The following ANKRD35 variants were observed in gnomAD, a reference collection of about 807,000 sequenced individuals.
ANKRD35 encodes ankyrin repeat domain 35.
A neutral mutation model predicts 109.9 loss-of-function variants in ANKRD35; 102 were observed. That is an observed-to-expected ratio of 0.93 (90% confidence interval 0.79 to 1.09). The LOEUF (loss-of-function observed/expected upper bound fraction) is 1.09, where lower values mean the gene tolerates loss of function less well. Among genes scored for constraint, ANKRD35 ranks in the 50% least tolerant of loss-of-function variants. The pLI is 0.00. For missense variants in ANKRD35, 1,240 were observed against 1,230.1 expected, an observed-to-expected ratio of 1.01 and a Z score of -0.12; for synonymous variants, 515 against 512.4, an observed-to-expected ratio of 1.01 and a Z score of -0.07.
chr1:145,873,262 A>G lies in ANKRD35; in HGVS notation c.1507T>C (p.Trp503Arg). The change falls in exon 10 of 14, where the codon TGG (tryptophan) becomes CGG (arginine). Residue 503 changes from tryptophan to arginine, a missense_variant. By Grantham distance (101) the Trp-to-Arg change is moderately radical. Coordinates refer to ENST00000355594, the MANE Select transcript of ANKRD35 (RefSeq NM_144698.5). ...CCCCGGGCAGCATCCTTTTCTCGCCACACTGCAGCAAGCTCCTCCCTTAGT... is the reference window on the plus strand; with the variant it reads ...CCCCGGGCAGCATCCTTTTCTCGCCGCACTGCAGCAAGCTCCTCCCTTAGT... Reference protein sequence around the residue: ...LQLREELAAVWREKDAARGAL... With the variant: ...LQLREELAAVRREKDAARGAL... 1 of 1,614,100 alleles carries G rather than the reference A, an allele frequency of 6.2e-7. No homozygotes were observed. Among genetic ancestry groups the G allele is most frequent in the South Asian group, 1.1e-5 (1 of 91,086 alleles).
intron 6 of ANKRD35, 114 bp from the exon 7 acceptor site, chr1:145,876,360 G>C (rs782036315): frequency 8.5e-7 from 1 of 1,173,262 alleles, no homozygotes; most frequent in Non-Finnish European, 1.2e-6. Context: ...CCCAGATCTT[G>C]GGTCTGAACA....
At chr1:145,876,336 A>G (rs1654074088) in intron 6 of ANKRD35, 90 bp from the exon 7 acceptor site, 2 of 1,261,974 alleles carry the variant, frequency 1.6e-6, no homozygotes, top group Admixed American at 2.1e-5. Context: ...ACACCTGTCC[A>G]AAAAAAATAA....
At chr1:145,880,127 A>G (rs587774162) in intron 1 of ANKRD35, among the ~76,000 whole-genome samples, 83 of 152,320 alleles carry the variant, frequency 5.4e-4, no homozygotes, top group African/African-American at 1.8e-3. Context: ...TTTCCCTGGC[A>G]GGGAGCAGCT....
At chr1:145,879,105 T>C (rs1376881519) in intron 2 of ANKRD35, among the ~76,000 whole-genome samples, 153 bp downstream of exon 2, 1 of 152,056 alleles carries the variant, frequency 6.6e-6, no homozygotes, top group African/African-American at 2.4e-5. Flanking sequence ...GTGTAGAACT[T>C]ATATGTAGCA....
At chr1:145,879,221 CCACATGTA>C in intron 2 of ANKRD35, 29 bp downstream of exon 2, 1 of 1,526,466 alleles carries the variant, frequency 6.6e-7, no homozygotes, top group Admixed American at 2.0e-5. Context: ...CAAAAGGGAG[CCACATGTA>C]AGGGGCAGGG....
At position 145,872,233 on chromosome 1, in the gene ANKRD35, C is replaced by A; in HGVS notation, c.2536G>T (p.Ala846Ser). The A allele has an allele frequency of 6.2e-7, 1 of 1,610,984 alleles. No individual in the cohort carries two copies. The highest frequency in any genetic ancestry group is 8.5e-7 in the Non-Finnish European group (1 of 1,178,694). Residue 846 changes from alanine to serine, a missense_variant, in exon 10 of 14, where the codon GCT (alanine) becomes TCT (serine). By Grantham distance (99) the Ala-to-Ser change is moderately conservative (BLOSUM62 1). Coordinates refer to ENST00000355594, the MANE Select transcript of ANKRD35 (RefSeq NM_144698.5). ...EKTRGSLVAQ[A>S]QAWGQELKAL... ...TTTAGCTCCTGGCCCCAAGCCTGAG[C>A]CTGGGCCACCAGCGAACCCCGAGTT...
At chr1:145,875,915 A>G (rs1361300018) in intron 7 of ANKRD35, among the ~76,000 whole-genome samples, 4 of 152,174 alleles carry the variant, frequency 2.6e-5, no homozygotes, top group Non-Finnish European at 4.4e-5. Flanking sequence ...CGGGTCCAGA[A>G]GTGTCGATTC....
chr1:145,871,277 C>A (rs1292501979), intron 10 of ANKRD35, among the ~76,000 whole-genome samples: 1 of 148,796 alleles, frequency 6.7e-6, no homozygotes, highest in Non-Finnish European at 1.5e-5. Flanking sequence ...GATTCTCCTG[C>A]CTCAGCCTCC....
chr1:145,879,355 G>T lies in ANKRD35; in HGVS notation c.73C>A (p.Leu25Met). Reference protein sequence around the residue: ...ERWNRHDQKLLEAVHRGDVGR... With the variant: ...ERWNRHDQKLMEAVHRGDVGR... Reference sequence around the variant, plus strand: ...ACATCCCCCCTGTGCACTGCCTCCAGCAGCTTCTGATCATGGCGGTTCCAT... The same window carrying T: ...ACATCCCCCCTGTGCACTGCCTCCATCAGCTTCTGATCATGGCGGTTCCAT... Residue 25 changes from leucine (L) to methionine (M), a missense_variant, in exon 2 of 14, where the codon CTG (leucine) becomes ATG (methionine). Physicochemically the swap from Leu to Met is conservative, Grantham distance 15. Coordinates refer to ENST00000355594, the MANE Select transcript of ANKRD35 (RefSeq NM_144698.5). 6.2e-7 allele frequency: 1 copy of T among 1,600,510 alleles called. No homozygotes were observed. Among genetic ancestry groups the T allele is most frequent in the South Asian group, 1.1e-5 (1 of 88,860 alleles).
chr1:145,883,869 AAC>A (rs1221602720), intron 1 of ANKRD35, among the ~76,000 whole-genome samples: 5 of 152,222 alleles, frequency 3.3e-5, no homozygotes, highest in Admixed American at 3.3e-4. Flanking sequence ...TGTCTGAAGA[AAC>A]AGTTTTCTTT....
rs41315701 is a variant in ANKRD35, at chr1:145,872,994, T to C, written c.1775A>G (p.Gln592Arg). 1,275,515 of 1,609,222 alleles carry C rather than the reference T, an allele frequency of 0.79. 507,993 individuals are homozygous for C. The highest frequency in any genetic ancestry group is 0.96 in the African/African-American group (71,502 of 74,672). Residue 592 changes from glutamine (Q) to arginine (R), a missense_variant, in exon 10 of 14, where the codon CAA becomes CGA. Transcript: ENST00000355594. ...EEKEKRVPGA[Q>R]GEPLGALGGE... ...TCCAAGGGCCCCTAGAGGCTCTCCT[T>C]GAGCCCCAGGAACCCTTTTCTCCTT...
intron 7 of ANKRD35, among the ~76,000 whole-genome samples, chr1:145,875,226 A>C (rs782308999): frequency 6.6e-6 from 1 of 151,646 alleles, no homozygotes; most frequent in Non-Finnish European, 1.5e-5. Context: ...GCTCACTGCA[A>C]CCTCTGCCTC....
chr1:145,872,075 C>T lies in ANKRD35; in HGVS notation c.2694G>A (p.Met898Ile). The T allele has an allele frequency of 1.9e-6, 3 of 1,613,590 alleles. No homozygotes were observed. Among genetic ancestry groups the T allele is most frequent in the Non-Finnish European group, 2.5e-6 (3 of 1,179,860 alleles). ...TCTCAAACTGCTCGGAGCGCCCCCG[C>T]ATCTCGCTGGCCTGGCGCTCTTGTT... ...AAEQERQASE[M>I]RGRSEQFEKT... Residue 898 changes from methionine (M) to isoleucine (I), a missense_variant, in exon 10 of 14, where the codon ATG (methionine) becomes ATA (isoleucine). Transcript: ENST00000355594.
At chr1:145,876,497 G>T in intron 6 of ANKRD35, 72 bp downstream of exon 6, 1 of 1,567,734 alleles carries the variant, frequency 6.4e-7, no homozygotes, top group Non-Finnish European at 8.8e-7. Context: ...CGTGGAAGTT[G>T]GCCAGTCAAG....
At position 145,868,350 on chromosome 1, in the gene ANKRD35, T is replaced by C. The variant is rs782057394; in HGVS notation, c.2838A>G (p.Ala946=). The C allele has an allele frequency of 1.9e-6, 3 of 1,614,230 alleles. No homozygotes were observed. Among genetic ancestry groups the C allele is most frequent in the Non-Finnish European group, 2.5e-6 (3 of 1,180,028 alleles). The part of the protein sequence containing the change: ...KLEQLSEEVL[A]IRGENARLAL... ...CAAGGCGAGCATTTTCTCCCCGAATTGCTAGAACCTCTTCTGAAAGCTGCT... is the reference window on the plus strand; with the variant it reads ...CAAGGCGAGCATTTTCTCCCCGAATCGCTAGAACCTCTTCTGAAAGCTGCT... Residue 946 remains alanine (A), a synonymous_variant, in exon 11 of 14, where the codon GCA becomes GCG. Coordinates refer to ENST00000355594, the MANE Select transcript of ANKRD35 (RefSeq NM_144698.5).
At chr1:145,876,488 G>A (rs115170004) in intron 6 of ANKRD35, 81 bp downstream of exon 6, 1,522,530 of 1,532,854 alleles carry the variant, frequency 0.99, 756,149 homozygotes, top group East Asian at 1. Flanking sequence ...GCCCTAGGTC[G>A]TGGAAGTTGG....
chr1:145,875,672 C>T (rs1553739918), intron 7 of ANKRD35, among the ~76,000 whole-genome samples: 1 of 152,118 alleles, frequency 6.6e-6, no homozygotes, highest in Admixed American at 6.5e-5. Context: ...CCTCAGCCTC[C>T]CGAGTAGCTG....
chr1:145,880,851 C>T (rs186154378), intron 1 of ANKRD35, among the ~76,000 whole-genome samples: 1 of 152,354 alleles, frequency 6.6e-6, no homozygotes, highest in Admixed American at 6.5e-5. Context: ...AGTCCTTTCA[C>T]ATGCTATTTC....
chr1:145,872,126 G>T lies in ANKRD35; in HGVS notation c.2643C>A (p.Ser881Arg). 1 of 1,610,050 alleles carries T rather than the reference G, an allele frequency of 6.2e-7. No homozygotes were observed. Among genetic ancestry groups the T allele is most frequent in the South Asian group, 1.1e-5 (1 of 90,804 alleles). Residue 881 changes from serine (S) to arginine (R), a missense_variant, in exon 10 of 14, where the codon AGC (serine) becomes AGA (arginine). By Grantham distance (110) the Ser-to-Arg change is moderately radical. Coordinates refer to ENST00000355594, the MANE Select transcript of ANKRD35 (RefSeq NM_144698.5). ...REAVAEERRR[S>R]GDLAAQAAEQ... is the part of the protein sequence containing the mutation. The stretch of plus-strand genomic sequence containing the variant: ...CGGCTGCCTGAGCGGCCAGGTCCCC[G>T]CTCCGGCGGCGCTCCTCGGCCACCG...
Sources: allele counts gnomAD v4.1 joint callset (sites outside exome capture counted in the v4.1 genomes callset), GRCh38; gene constraint gnomAD v4.1.1; transcripts MANE v1.5; gene names NCBI Gene and HGNC (gene_info 2026-07-23, HGNC 2026-07-21).